The following TMEM132D variants were observed in gnomAD, a reference collection of about 807,000 sequenced individuals.
TMEM132D encodes the protein mature OL transmembrane protein.
TMEM132D carries 21 observed loss-of-function variants against 62.3 expected under a neutral mutation model. The observed-to-expected ratio is 0.34, with a 90% CI of 0.24 to 0.49. TMEM132D has a LOEUF of 0.49. Among genes scored for constraint, TMEM132D ranks in the 20% least tolerant of loss-of-function variants. TMEM132D has a pLI of 0.99. For missense variants in TMEM132D, 1,346 were observed against 1,402.8 expected (o/e 0.96, Z 0.65); for synonymous variants, 621 against 575.6 (o/e 1.08, Z -1.13).
At chr12:129,316,229 T>C (rs968211622) in intron 4 of TMEM132D, among the ~76,000 whole-genome samples, 4 of 152,156 alleles carry the variant, frequency 2.6e-5, no homozygotes, top group African/African-American at 9.7e-5. Context: ...CCTTAAGGTG[T>C]GACCTTAAAA....
At chr12:129,396,480 T>C (rs1871437040) in intron 3 of TMEM132D, among the ~76,000 whole-genome samples, 1 of 152,186 alleles carries the variant, frequency 6.6e-6, no homozygotes, top group Non-Finnish European at 1.5e-5. Context: ...TTGGCTTGTG[T>C]GCTACTTCCT....
rs139436249 is a variant in TMEM132D, at chr12:129,730,835, C to T, written c.80-30137G>A. Among the ~76,000 whole-genome samples the T allele has an allele frequency of 7.1e-3, 1,084 of 152,058 alleles. 17 individuals carry two copies. Among genetic ancestry groups the T allele is most frequent in the African/African-American group, 0.025 (1,016 of 41,462 alleles). On this transcript the variant is annotated intron_variant, in intron 1 of 8. Coordinates refer to ENST00000422113, the MANE Select transcript of TMEM132D (RefSeq NM_133448.3). ...ATGCTTCCTGCCCTCAAACATCAGA[C>T]TCCAAGTTCTTCAGCTTTTGGGCTC...
At chr12:129,211,986 G>A (rs780764245) in intron 4 of TMEM132D, 1 of 152,072 alleles carries the variant, frequency 6.6e-6, no homozygotes, top group Non-Finnish European at 1.5e-5. Context: ...AGGAACAAGT[G>A]GTATTCTGGA....
intron 1 of TMEM132D, among the ~76,000 whole-genome samples, chr12:129,859,840 G>C (rs1179219873): frequency 6.6e-6 from 1 of 152,092 alleles, no homozygotes. Context: ...CGGCCTCCCT[G>C]CTTTTAAGGT....
At chr12:129,642,419 T>C (rs997922003) in intron 2 of TMEM132D, among the ~76,000 whole-genome samples, 4 of 152,200 alleles carry the variant, frequency 2.6e-5, no homozygotes, top group African/African-American at 9.6e-5. Context: ...GCAGAGTTGC[T>C]GCTTCACAGT....
chr12:129,626,790 C>T (rs1213993899), intron 2 of TMEM132D, among the ~76,000 whole-genome samples: 1 of 152,038 alleles, frequency 6.6e-6, no homozygotes, highest in Non-Finnish European at 1.5e-5. Flanking sequence ...GTTAAATTGG[C>T]TAATGTTTTT....
intron 5 of TMEM132D, among the ~76,000 whole-genome samples, chr12:129,146,565 G>A (rs1416299051): frequency 2.0e-5 from 3 of 152,252 alleles, no homozygotes; most frequent in South Asian, 4.2e-4. Flanking sequence ...CTTTGCCTGG[G>A]TGAGAGGTGC....
chr12:129,467,871 C>T (rs1055215161), intron 3 of TMEM132D, among the ~76,000 whole-genome samples: 2 of 152,118 alleles, frequency 1.3e-5, no homozygotes, highest in African/African-American at 4.8e-5. Context: ...GCTTTTCACT[C>T]GGAAGGAGGC....
At chr12:129,890,696 A>T (rs1435671232) in intron 1 of TMEM132D, among the ~76,000 whole-genome samples, 1 of 152,178 alleles carries the variant, frequency 6.6e-6, no homozygotes, top group Non-Finnish European at 1.5e-5. Context: ...CTTGCCAGAG[A>T]TATTTATCAC....
At chr12:129,221,451 T>A (rs1024829490) in intron 4 of TMEM132D, among the ~76,000 whole-genome samples, 2 of 152,212 alleles carry the variant, frequency 1.3e-5, no homozygotes, top group African/African-American at 4.8e-5. Flanking sequence ...AGCAACTCAC[T>A]CTATACCTAA....
At chr12:129,106,758 G>A (rs1875514499) in intron 5 of TMEM132D, among the ~76,000 whole-genome samples, 1 of 152,116 alleles carries the variant, frequency 6.6e-6, no homozygotes, top group Non-Finnish European at 1.5e-5. Context: ...AGCGATGGGT[G>A]TCACCTCTGA....
At chr12:129,119,257 G>C (rs1004397787) in intron 5 of TMEM132D, among the ~76,000 whole-genome samples, 4 of 152,192 alleles carry the variant, frequency 2.6e-5, no homozygotes, top group African/African-American at 4.8e-5. Flanking sequence ...ACTGTGTAGT[G>C]CTAAGTCGGT....
At chr12:129,441,418 G>A (rs1445615047) in intron 3 of TMEM132D, among the ~76,000 whole-genome samples, 1 of 152,212 alleles carries the variant, frequency 6.6e-6, no homozygotes, top group Non-Finnish European at 1.5e-5. Context: ...CTCTAGTGAT[G>A]AAGGCAACAG....
intron 1 of TMEM132D, among the ~76,000 whole-genome samples, chr12:129,790,904 ACAACT>A (rs1309323700): frequency 6.6e-6 from 1 of 151,708 alleles, no homozygotes; most frequent in African/African-American, 2.4e-5. Context: ...ATGCCTTTTA[ACAACT>A]CTACAAATAT....
chr12:129,084,444 C>A, intron 6 of TMEM132D, 53 bp downstream of exon 6: 5 of 1,499,866 alleles, frequency 3.3e-6, no homozygotes, highest in Non-Finnish European at 4.5e-6. Context: ...CCAAATTTAC[C>A]ACCCCGTACA....
At chr12:129,454,986 A>C (rs7957005) in intron 3 of TMEM132D, among the ~76,000 whole-genome samples, 34,551 of 152,146 alleles carry the variant, frequency 0.23, 4,067 homozygotes, top group East Asian at 0.34. Context: ...AAGGGTCCAA[A>C]TCAACACTCA....
intron 5 of TMEM132D, among the ~76,000 whole-genome samples, chr12:129,182,359 A>T (rs1878091719): frequency 6.6e-6 from 1 of 152,218 alleles, no homozygotes. Context: ...GCAAGACTCC[A>T]TCTCAAAATG....
intron 3 of TMEM132D, among the ~76,000 whole-genome samples, chr12:129,518,628 C>G (rs536893635): frequency 6.6e-6 from 1 of 151,698 alleles, no homozygotes; most frequent in South Asian, 2.1e-4. Flanking sequence ...TTAACAAAAT[C>G]AGGTTGCTAC....
At chr12:129,625,844 G>A (rs1043495446) in intron 2 of TMEM132D, among the ~76,000 whole-genome samples, 3 of 152,180 alleles carry the variant, frequency 2.0e-5, no homozygotes, top group Non-Finnish European at 4.4e-5. Flanking sequence ...GAGGGGGTAT[G>A]TGTAAAGTCT....
Sources: gnomAD v4.1 joint callset for allele counts (sites outside exome capture counted in the v4.1 genomes callset) on GRCh38, gnomAD v4.1.1 for gene constraint, MANE v1.5 for transcripts, NCBI Gene and HGNC (gene_info 2026-07-23, HGNC 2026-07-21) for gene names.